RPS6KC1: variants seen among roughly 807,000 people sequenced by gnomAD.
RPS6KC1 encodes inactive ribosomal protein S6 kinase delta-1.
A neutral mutation model predicts 103.8 loss-of-function variants in RPS6KC1; 54 were observed. The ratio of observed to expected loss-of-function variants is 0.52; its 90% confidence interval spans 0.42 to 0.65. RPS6KC1 has a LOEUF of 0.65. RPS6KC1 is among the 30% of genes least tolerant of loss of function. The pLI is 0.00. For missense variants in RPS6KC1, 1,151 were observed against 1,253.8 expected (o/e 0.92, Z 1.24); for synonymous variants, 439 against 438.7 (o/e 1.00, Z -0.01).
chr1:213,480,720 A>T, the RPS6KC1 span, among the ~76,000 whole-genome samples: 1 of 152,116 alleles, frequency 6.6e-6, no homozygotes, highest in Non-Finnish European at 1.5e-5. Flanking sequence ...CAGGAAAAAA[A>T]GTCTCCATTC....
chr1:213,304,024 T>C, the RPS6KC1 span, among the ~76,000 whole-genome samples: 1 of 150,518 alleles, frequency 6.6e-6, no homozygotes, highest in Non-Finnish European at 1.5e-5. Context: ...GCTAAAACGG[T>C]GAAACCCCGT....
the RPS6KC1 span, among the ~76,000 whole-genome samples, chr1:213,606,982 A>G: frequency 1.3e-5 from 2 of 152,254 alleles, no homozygotes; most frequent in African/African-American, 4.8e-5. Context: ...AACTAAGGGC[A>G]GGATCCACCT....
the RPS6KC1 span, among the ~76,000 whole-genome samples, chr1:213,670,995 A>G: frequency 6.6e-6 from 1 of 151,996 alleles, no homozygotes; most frequent in South Asian, 2.1e-4. Context: ...TGGGTGGGGG[A>G]TTTGCTCTGT....
At chr1:213,555,271 C>A in the RPS6KC1 span, among the ~76,000 whole-genome samples, 1 of 152,210 alleles carries the variant, frequency 6.6e-6, no homozygotes, top group Non-Finnish European at 1.5e-5. Context: ...CCATTTCCCC[C>A]ATGCCCACTC....
chr1:213,230,528 A>C lies in RPS6KC1; in HGVS notation c.1076A>C (p.Gln359Pro). The C allele has an allele frequency of 6.2e-7, 1 of 1,605,708 alleles. No individual in the cohort carries two copies. Among genetic ancestry groups the C allele is most frequent in the Non-Finnish European group, 8.5e-7 (1 of 1,175,680 alleles). Residue 359 changes from glutamine to proline, a missense_variant, in exon 9 of 15, where the codon CAG becomes CCG. Coordinates refer to ENST00000366960, the MANE Select transcript of RPS6KC1 (RefSeq NM_012424.6). ...VLLVMDTRTEQTFILKGLRKS... is the reference protein window; with the variant it reads ...VLLVMDTRTEPTFILKGLRKS... ...CTTGTAATGGACACAAGGACAGAAC[A>C]GACTTTCATTTTAAAAGTAAGTAAA...
intron 6 of RPS6KC1, among the ~76,000 whole-genome samples, chr1:213,141,658 C>A (rs2087047186): frequency 6.6e-6 from 1 of 151,720 alleles, no homozygotes; most frequent in African/African-American, 2.4e-5. Flanking sequence ...TATTTCTTTT[C>A]TTTTGCTACC....
the RPS6KC1 span, among the ~76,000 whole-genome samples, chr1:213,711,011 G>A: frequency 6.6e-6 from 1 of 152,034 alleles, no homozygotes; most frequent in African/African-American, 2.4e-5. Context: ...TGCTCTTCTC[G>A]AGGAGTATCT....
At chr1:213,369,772 G>C in the RPS6KC1 span, among the ~76,000 whole-genome samples, 1 of 152,236 alleles carries the variant, frequency 6.6e-6, no homozygotes, top group Non-Finnish European at 1.5e-5. Flanking sequence ...AACCTCCAAG[G>C]ACAAGTCAGA....
At chr1:213,319,485 G>T in the RPS6KC1 span, among the ~76,000 whole-genome samples, 3,372 of 152,250 alleles carry the variant, frequency 0.022, 60 homozygotes, top group Non-Finnish European at 0.036. Context: ...TGTGCGGTCA[G>T]CTCTCAGTTC....
chr1:213,101,461 G>A (rs1288066649), intron 3 of RPS6KC1, among the ~76,000 whole-genome samples: 1 of 152,126 alleles, frequency 6.6e-6, no homozygotes, highest in Non-Finnish European at 1.5e-5. Context: ...TAGTGGAATA[G>A]AAACAATAAA....
the RPS6KC1 span, among the ~76,000 whole-genome samples, chr1:213,418,008 G>A: frequency 2.6e-5 from 4 of 152,148 alleles, no homozygotes; most frequent in African/African-American, 9.7e-5. Flanking sequence ...CTCTCTGACT[G>A]AGGGGAAAGG....
At chr1:213,728,338 A>C in the RPS6KC1 span, among the ~76,000 whole-genome samples, 1 of 152,202 alleles carries the variant, frequency 6.6e-6, no homozygotes, top group Non-Finnish European at 1.5e-5. Context: ...CTATGCTAAT[A>C]ATAAAGGCAG....
the RPS6KC1 span, among the ~76,000 whole-genome samples, chr1:213,330,762 C>T: frequency 1.8e-4 from 28 of 152,212 alleles, no homozygotes; most frequent in Non-Finnish European, 3.1e-4. Flanking sequence ...TTGCTCTCCG[C>T]GATCACTTCT....
intron 3 of RPS6KC1, among the ~76,000 whole-genome samples, chr1:213,099,938 A>G (rs1440105853): frequency 1.3e-5 from 2 of 152,236 alleles, no homozygotes; most frequent in East Asian, 3.8e-4. Context: ...AATCTACAAT[A>G]AACATCTTTA....
rs567575894 is a variant in RPS6KC1 at position 213,274,187 on chromosome 1, C to T, written c.*1553C>T. On this transcript the variant is annotated 3_prime_UTR_variant, in exon 15 of 15. Coordinates refer to ENST00000366960, the MANE Select transcript of RPS6KC1 (RefSeq NM_012424.6). ...GGAGCAGGTCACCAGGATCATAGTT[C>T]AGTCAAAATGACATCACTCCCTGGA... The T allele has an allele frequency of 6.6e-6, 1 of 152,200 alleles. No homozygotes were observed. The highest frequency in any genetic ancestry group is 1.5e-5 in the Non-Finnish European group (1 of 68,046). 9.4% of individuals were successfully genotyped at this position (152,200 alleles called of 1,614,324 possible).
chr1:213,289,641 G>A, the RPS6KC1 span, among the ~76,000 whole-genome samples: 130 of 152,248 alleles, frequency 8.5e-4, no homozygotes, highest in African/African-American at 3.1e-3. Flanking sequence ...TCAGAAAAAG[G>A]GACATTTCAT....
chr1:213,354,076 A>G, the RPS6KC1 span, among the ~76,000 whole-genome samples: 4 of 152,210 alleles, frequency 2.6e-5, no homozygotes, highest in African/African-American at 9.6e-5. Flanking sequence ...TGTCTAGCAT[A>G]TGGGTTCTGA....
chr1:213,108,864 G>C (rs2082739519), intron 4 of RPS6KC1, among the ~76,000 whole-genome samples: 1 of 151,664 alleles, frequency 6.6e-6, no homozygotes, highest in Admixed American at 6.6e-5. Context: ...TGCCCAGGCT[G>C]GTCTTGAACT....
chr1:213,742,527 A>G, the RPS6KC1 span, among the ~76,000 whole-genome samples: 2 of 152,224 alleles, frequency 1.3e-5, no homozygotes, highest in Non-Finnish European at 2.9e-5. Context: ...AAGATCCCCA[A>G]CCTGCCATCA....
Sources: allele counts gnomAD v4.1 joint callset (sites outside exome capture counted in the v4.1 genomes callset), GRCh38; gene constraint gnomAD v4.1.1; transcripts MANE v1.5; gene names NCBI Gene and HGNC (gene_info 2026-07-23, HGNC 2026-07-21).